FRMPD4: variants seen among roughly 807,000 people sequenced by gnomAD.
FRMPD4 encodes the protein FERM and PDZ domain containing 4.
A neutral mutation model predicts 94.1 loss-of-function variants in FRMPD4; 22 were observed. The observed-to-expected ratio is 0.23, with a 90% CI of 0.17 to 0.33. The LOEUF is 0.33. Ranked by LOEUF, FRMPD4 falls within the 10% of genes least tolerant of loss-of-function variation. The pLI, the probability that FRMPD4 is intolerant of heterozygous loss-of-function variation, is 1.00. For missense variants in FRMPD4, 1,111 were observed against 1,339.9 expected (o/e 0.83, Z 2.67); for synonymous variants, 631 against 548.6 (o/e 1.15, Z -2.10).
At chrX:12,565,793 C>T (rs771779822) in intron 2 of FRMPD4, among the ~76,000 whole-genome samples, 40 of 111,807 alleles carry the variant, frequency 3.6e-4, no homozygotes, top group Middle Eastern at 4.6e-3. Flanking sequence ...ACAAATGTAC[C>T]ATGCCAACAT....
At chrX:12,279,754 G>A (rs949094666) in intron 1 of FRMPD4, among the ~76,000 whole-genome samples, 2 of 110,750 alleles carry the variant, frequency 1.8e-5, no homozygotes, top group Non-Finnish European at 3.8e-5. Context: ...CAGTCTCAAT[G>A]TCCTGGCGAG....
At chrX:12,472,072 G>C (rs967748042) in intron 1 of FRMPD4, among the ~76,000 whole-genome samples, 1 of 112,464 alleles carries the variant, frequency 8.9e-6, no homozygotes, top group African/African-American at 3.2e-5. Flanking sequence ...ACAGAGACAA[G>C]AAATTAGGTA....
intron 1 of FRMPD4, among the ~76,000 whole-genome samples, chrX:12,279,688 A>G (rs1271469082): frequency 9.0e-6 from 1 of 111,063 alleles, no homozygotes; most frequent in Admixed American, 9.5e-5. Flanking sequence ...TTTCTTTCAC[A>G]TGAGGTCCTG....
intron 1 of FRMPD4, among the ~76,000 whole-genome samples, chrX:12,378,252 C>G (rs946015982): frequency 2.7e-5 from 3 of 112,356 alleles, no homozygotes; most frequent in African/African-American, 9.7e-5. Context: ...GTATTTTAGT[C>G]GTTGTTCTTC....
chrX:12,656,097 A>T (rs2059653169), intron 4 of FRMPD4, among the ~76,000 whole-genome samples: 1 of 112,064 alleles, frequency 8.9e-6, no homozygotes, highest in African/African-American at 3.2e-5. Flanking sequence ...CTCCACATCC[A>T]CTCAAGAATA....
intron 1 of FRMPD4, among the ~76,000 whole-genome samples, chrX:12,392,879 CT>C (rs927173345): frequency 5.4e-5 from 6 of 111,834 alleles, no homozygotes; most frequent in African/African-American, 2.0e-4. Flanking sequence ...TCAGTGTACA[CT>C]TACTTCATTT....
rs529583508 is a variant in FRMPD4, at chrX:12,167,949, C to G, written c.41+28937C>G. 1.1e-4 allele frequency among the ~76,000 whole-genome samples: 12 copies of G among 110,526 alleles called. No homozygotes were observed. In the South Asian group the frequency reaches 4.8e-3, roughly 44 times the overall value. On this transcript the variant is annotated intron_variant, in intron 1 of 16. Transcript: ENST00000675598. ...GAAGGAGTAGGGGTTGGGGTAAGGA[C>G]AATTGTGCCCCTAGGGGCCGTTTGA...
At chrX:12,641,952 G>A (rs1044014934) in intron 4 of FRMPD4, among the ~76,000 whole-genome samples, 9 of 111,700 alleles carry the variant, frequency 8.1e-5, no homozygotes, top group African/African-American at 2.9e-4. Flanking sequence ...CAATGAAAAT[G>A]TTTGCGTCCC....
chrX:12,463,846 A>T (rs2057421988), intron 1 of FRMPD4, among the ~76,000 whole-genome samples: 1 of 109,205 alleles, frequency 9.2e-6, no homozygotes. Context: ...AGAAGTAGGG[A>T]CCTCAACCCC....
At chrX:12,398,481 T>G (rs2056571364) in intron 1 of FRMPD4, among the ~76,000 whole-genome samples, 1 of 111,384 alleles carries the variant, frequency 9.0e-6, no homozygotes, top group African/African-American at 3.3e-5. Flanking sequence ...GAATCATTAT[T>G]AGCTTTCAGA....
intron 1 of FRMPD4, among the ~76,000 whole-genome samples, chrX:12,359,338 CAACTT>C (rs1439320164): frequency 2.7e-5 from 3 of 112,109 alleles, no homozygotes; most frequent in African/African-American, 9.7e-5. Flanking sequence ...ATATTACTCT[CAACTT>C]AATCTGATTG....
intron 2 of FRMPD4, among the ~76,000 whole-genome samples, chrX:12,551,690 G>A (rs1482297522): frequency 1.4e-5 from 1 of 72,271 alleles, no homozygotes; most frequent in Admixed American, 1.6e-4. Flanking sequence ...TGTATTTTCT[G>A]GGAATTGGTG....
chrX:12,164,112 A>T (rs1275633636), intron 1 of FRMPD4, among the ~76,000 whole-genome samples: 2 of 110,374 alleles, frequency 1.8e-5, no homozygotes, highest in Non-Finnish European at 3.8e-5. Context: ...TTTCTAACAT[A>T]TGTATACATG....
chrX:12,476,328 G>A (rs1043895457), intron 1 of FRMPD4, among the ~76,000 whole-genome samples: 4 of 112,014 alleles, frequency 3.6e-5, no homozygotes, highest in Non-Finnish European at 7.5e-5. Flanking sequence ...ATGGATTAAA[G>A]ACTGAAATGT....
intron 2 of FRMPD4, among the ~76,000 whole-genome samples, chrX:12,555,006 C>T (rs927897796): frequency 1.8e-5 from 2 of 111,998 alleles, no homozygotes; most frequent in African/African-American, 6.5e-5. Context: ...CCCCTGACCA[C>T]TCCACTCTGC....
chrX:12,231,030 G>GTATGTATATATATATATATATA (rs1555938221), intron 1 of FRMPD4, among the ~76,000 whole-genome samples: 24 of 26,317 alleles, frequency 9.1e-4, no homozygotes, highest in South Asian at 1.6e-3. Context: ...TATATATATA[G>GTATGTATATATATATATATATA]TATATATATA....
At chrX:11,897,143 T>A (rs1443906394) in intron 3 of FRMPD4, among the ~76,000 whole-genome samples, 1 of 91,929 alleles carries the variant, frequency 1.1e-5, no homozygotes, top group African/African-American at 4.1e-5. Flanking sequence ...GGAACATGGA[T>A]GAATTACAAA....
intron 3 of FRMPD4, among the ~76,000 whole-genome samples, chrX:11,918,257 G>A (rs183226358): frequency 1.8e-5 from 2 of 113,033 alleles, no homozygotes; most frequent in Admixed American, 1.9e-4. Flanking sequence ...CTGTTTGTAA[G>A]GGAGAGAATA....
chrX:11,835,514 T>C (rs2053496548), intron 1 of FRMPD4, among the ~76,000 whole-genome samples: 1 of 112,082 alleles, frequency 8.9e-6, no homozygotes, highest in East Asian at 2.8e-4. Flanking sequence ...GGAAGTGGAA[T>C]GGGAGGTAGG....
Sources: gnomAD v4.1 joint callset for allele counts (sites outside exome capture counted in the v4.1 genomes callset) on GRCh38, gnomAD v4.1.1 for gene constraint, MANE v1.5 for transcripts, NCBI Gene and HGNC (gene_info 2026-07-23, HGNC 2026-07-21) for gene names.